Variants in DMD observed in about 807,000 individuals in gnomAD.
DMD encodes the protein dystrophin, also known as mutant dystrophin.
DMD carries 63 observed loss-of-function variants against 330.1 expected under a neutral mutation model. That is an observed-to-expected ratio of 0.19 (90% CI 0.16 to 0.24). The LOEUF (loss-of-function observed/expected upper bound fraction) is 0.24, where lower values mean the gene tolerates loss of function less well. Among genes scored for constraint, DMD ranks in the 10% least tolerant of loss-of-function variants. DMD has a pLI of 1.00. For missense variants in DMD, 3,344 were observed against 2,684.1 expected (o/e 1.25, Z -5.43); for synonymous variants, 1,223 against 959.8 (o/e 1.27, Z -5.07).
chrX:32,845,979 A>C (rs1227651943), intron 3 of DMD, among the ~76,000 whole-genome samples: 3 of 110,912 alleles, frequency 2.7e-5, no homozygotes, highest in Admixed American at 9.5e-5. Flanking sequence ...ATGCTGTCTC[A>C]CAGGATCCAG....
chrX:31,274,154 T>C (rs1396617931), intron 62 of DMD, among the ~76,000 whole-genome samples: 6 of 111,983 alleles, frequency 5.4e-5, no homozygotes, highest in African/African-American at 1.9e-4. Context: ...TTTAGCAGTT[T>C]ACAAAAGGCA....
intron 30 of DMD, among the ~76,000 whole-genome samples, chrX:32,394,614 C>G (rs754706853): frequency 9.0e-6 from 1 of 110,847 alleles, no homozygotes; most frequent in South Asian, 3.8e-4. Context: ...CTCGTAAGCA[C>G]AAAACCCTAG....
intron 10 of DMD, 109 bp from the exon 11 acceptor site, chrX:32,644,422 T>C (rs780687754): frequency 1.2e-6 from 1 of 832,250 alleles, no homozygotes; most frequent in East Asian, 3.2e-5. Flanking sequence ...TAGATTTATA[T>C]TCCCAGTAAA....
chrX:33,198,269 C>T (rs148846519), intron 1 of DMD, among the ~76,000 whole-genome samples: 1,111 of 110,805 alleles, frequency 0.01, 15 homozygotes, highest in African/African-American at 0.035. Flanking sequence ...TTTTTTTCCA[C>T]TAGATTATTT....
intron 7 of DMD, among the ~76,000 whole-genome samples, chrX:32,734,186 C>A (rs1479473993): frequency 9.2e-6 from 1 of 109,176 alleles, no homozygotes; most frequent in East Asian, 2.8e-4. Flanking sequence ...AATTCCTGCA[C>A]ACATACACTC....
In DMD at chrX:32,216,979, C is replaced by A. The variant is rs766781970; in HGVS notation, c.6375G>T (p.Gln2125His). The change falls in exon 44 of 79, where the codon CAG (glutamine) becomes CAT (histidine). Residue 2125 changes from glutamine (Q) to histidine (H), a missense_variant. By Grantham distance (24) the Gln-to-His change is conservative. Transcript: ENST00000357033. ...IFNQWLTEAE[Q>H]FLRKTQIPEN... ...CAGGAATTTGTGTCTTTCTGAGAAA[C>A]TGTTCAGCTTCTGTTAGCCACTGAT... 4 of 1,206,311 alleles carry A rather than the reference C, an allele frequency of 3.3e-6. No homozygotes were observed. In the East Asian group the frequency reaches 1.2e-4, roughly 36 times the overall value.
At chrX:32,704,134 T>A (rs1205119278) in intron 7 of DMD, among the ~76,000 whole-genome samples, 2 of 111,704 alleles carry the variant, frequency 1.8e-5, no homozygotes, top group African/African-American at 6.5e-5. Context: ...CGAAATTTGA[T>A]CATTTTTCGA....
intron 62 of DMD, among the ~76,000 whole-genome samples, chrX:31,310,227 G>A (rs886700120): frequency 8.2e-4 from 87 of 106,375 alleles, no homozygotes; most frequent in South Asian, 4.2e-3. Flanking sequence ...ATATATATAT[G>A]TGTGTGTGTC....
chrX:32,474,194 T>C (rs1656573), intron 21 of DMD, among the ~76,000 whole-genome samples: 2 of 42,032 alleles, frequency 4.8e-5, no homozygotes, highest in African/African-American at 1.2e-4. Context: ...TTCCATCATA[T>C]ATACATACAT....
At chrX:31,414,791 A>G (rs1440975218) in intron 60 of DMD, among the ~76,000 whole-genome samples, 2 of 111,943 alleles carry the variant, frequency 1.8e-5, no homozygotes, top group African/African-American at 6.5e-5. Flanking sequence ...ATCCTTGGGG[A>G]AAACCAATAG....
intron 34 of DMD, among the ~76,000 whole-genome samples, chrX:32,366,090 AT>A (rs757861524): frequency 1.8e-5 from 2 of 112,606 alleles, no homozygotes; most frequent in South Asian, 3.7e-4. Context: ...GAATACCACT[AT>A]TTCCTAAGAG....
intron 55 of DMD, among the ~76,000 whole-genome samples, chrX:31,620,771 TTTA>T (rs1415641377): frequency 9.0e-6 from 1 of 111,338 alleles, no homozygotes; most frequent in Non-Finnish European, 1.9e-5. Context: ...TCACAATTAG[TTTA>T]TTAAGAGGGT....
intron 43 of DMD, among the ~76,000 whole-genome samples, chrX:32,243,587 G>GT (rs1229890018): frequency 9.0e-6 from 1 of 111,501 alleles, no homozygotes; most frequent in Admixed American, 9.5e-5. Flanking sequence ...CATTATACAG[G>GT]TAACAAACCC....
chrX:32,537,235 C>T (rs904750485), intron 17 of DMD, among the ~76,000 whole-genome samples: 1 of 111,183 alleles, frequency 9.0e-6, no homozygotes, highest in African/African-American at 3.3e-5. Flanking sequence ...TCCAGGAATA[C>T]ATAGCCTATA....
intron 55 of DMD, among the ~76,000 whole-genome samples, chrX:31,557,077 A>G (rs966163871): frequency 4.4e-5 from 5 of 112,393 alleles, no homozygotes; most frequent in Admixed American, 3.8e-4. Flanking sequence ...TAGTACAAAT[A>G]AAGTACAAAT....
intron 2 of DMD, among the ~76,000 whole-genome samples, chrX:32,856,687 G>A (rs1248616849): frequency 2.7e-5 from 3 of 111,832 alleles, no homozygotes; most frequent in Non-Finnish European, 5.6e-5. Context: ...GACAGGAGGA[G>A]TGGGAATGTT....
chrX:32,914,866 C>T (rs539022114), intron 2 of DMD, among the ~76,000 whole-genome samples: 1 of 111,688 alleles, frequency 9.0e-6, no homozygotes, highest in Non-Finnish European at 1.9e-5. Context: ...AATGTTCTCA[C>T]ATATGTTCAC....
chrX:31,627,070 C>T (rs1167889078), intron 55 of DMD, among the ~76,000 whole-genome samples: 1 of 112,023 alleles, frequency 8.9e-6, no homozygotes, highest in African/African-American at 3.2e-5. Context: ...ACCCCACGTT[C>T]TGTTTTCACT....
At chrX:32,818,196 C>T (rs1206060688) in intron 5 of DMD, among the ~76,000 whole-genome samples, 1 of 111,861 alleles carries the variant, frequency 8.9e-6, no homozygotes, top group African/African-American at 3.2e-5. Context: ...TCAAGCAATC[C>T]TCCAATGATG....
Sources: allele counts gnomAD v4.1 joint callset (sites outside exome capture counted in the v4.1 genomes callset), GRCh38; gene constraint gnomAD v4.1.1; transcripts MANE v1.5; gene names NCBI Gene and HGNC (gene_info 2026-07-23, HGNC 2026-07-21).